Variants in PAK3 observed in about 807,000 individuals in gnomAD.
PAK3 encodes serine/threonine-protein kinase PAK 3.
Under a neutral mutation model 41.0 loss-of-function variants are expected in PAK3, and 4 were observed. That is an observed-to-expected ratio of 0.10 (90% CI 0.05 to 0.22). The LOEUF (loss-of-function observed/expected upper bound fraction) is 0.22. PAK3 is among the 10% of genes least tolerant of loss of function. The pLI is 1.00. For synonymous variants in PAK3, 146 were observed against 139.6 expected (o/e 1.05, Z -0.32); for missense variants, 205 against 409.9 (o/e 0.50, Z 4.32).
At chrX:110,950,925 G>A (rs751863615) in intron 1 of PAK3, among the ~76,000 whole-genome samples, 2 of 111,250 alleles carry the variant, frequency 1.8e-5, no homozygotes, top group South Asian at 3.8e-4. Context: ...CCCATCAACA[G>A]TGGCCATTTC....
intron 11 of PAK3, among the ~76,000 whole-genome samples, chrX:111,185,889 T>TC (rs1358030192): frequency 9.0e-6 from 1 of 110,810 alleles, no homozygotes; most frequent in Non-Finnish European, 1.9e-5. Flanking sequence ...GGTGCAAAAA[T>TC]CCCCAATAAA....
chrX:111,149,522 A>G (rs1032549322), intron 7 of PAK3, among the ~76,000 whole-genome samples: 2 of 111,698 alleles, frequency 1.8e-5, no homozygotes, highest in East Asian at 2.9e-4. Context: ...ATTTCCATAC[A>G]TCTTCTGAAA....
chrX:111,137,460 T>C (rs2093805944), intron 5 of PAK3, among the ~76,000 whole-genome samples: 1 of 109,889 alleles, frequency 9.1e-6, no homozygotes, highest in African/African-American at 3.3e-5. Flanking sequence ...GGCATCTCTC[T>C]TTTTTTTTAA....
intron 5 of PAK3, among the ~76,000 whole-genome samples, chrX:111,129,759 A>G (rs2093693662): frequency 9.0e-6 from 1 of 111,492 alleles, no homozygotes. Context: ...GAGAGGAAGT[A>G]ATGACTGAAA....
At chrX:111,169,045 A>T (rs979227651) in intron 10 of PAK3, among the ~76,000 whole-genome samples, 2 of 111,447 alleles carry the variant, frequency 1.8e-5, no homozygotes, top group African/African-American at 6.5e-5. Context: ...ATATTCTCCA[A>T]CCCTTGCCTT....
intron 1 of PAK3, among the ~76,000 whole-genome samples, chrX:111,007,047 T>A (rs1053469124): frequency 9.2e-6 from 1 of 109,286 alleles, no homozygotes; most frequent in Non-Finnish European, 1.9e-5. Flanking sequence ...TCCCTGGTGA[T>A]GCCAATGAGG....
chrX:111,137,639 G>T (rs1238354350), intron 5 of PAK3, among the ~76,000 whole-genome samples: 3 of 111,634 alleles, frequency 2.7e-5, no homozygotes, highest in African/African-American at 9.8e-5. Flanking sequence ...TGACTAGAGG[G>T]ACTTCTCATT....
intron 1 of PAK3, among the ~76,000 whole-genome samples, chrX:111,056,961 T>C (rs1392525975): frequency 8.9e-6 from 1 of 112,058 alleles, no homozygotes; most frequent in African/African-American, 3.2e-5. Context: ...CTTTCTGTAT[T>C]TACATTCCAA....
At chrX:111,163,992 G>T (rs1282058319) in intron 10 of PAK3, among the ~76,000 whole-genome samples, 1 of 111,927 alleles carries the variant, frequency 8.9e-6, no homozygotes, top group Admixed American at 9.5e-5. Context: ...CAAGTTTTAA[G>T]ATTACATCTT....
At chrX:111,200,019 A>G (rs2094662589) in intron 16 of PAK3, among the ~76,000 whole-genome samples, 1 of 111,321 alleles carries the variant, frequency 9.0e-6, no homozygotes, top group Admixed American at 9.6e-5. Flanking sequence ...GAAAATATGC[A>G]CAGATTCAAA....
intron 11 of PAK3, among the ~76,000 whole-genome samples, chrX:111,173,591 A>G (rs2094372105): frequency 9.0e-6 from 1 of 111,266 alleles, no homozygotes; most frequent in Non-Finnish European, 1.9e-5. Flanking sequence ...AATGAGACCT[A>G]GTGCATCATT....
intron 1 of PAK3, among the ~76,000 whole-genome samples, chrX:110,973,008 T>C (rs1335765102): frequency 9.0e-6 from 1 of 110,967 alleles, no homozygotes; most frequent in Non-Finnish European, 1.9e-5. Context: ...AAGAAAAGGT[T>C]AGAGAAAAAA....
intron 5 of PAK3, 104 bp downstream of exon 5, chrX:111,123,382 G>C: frequency 2.9e-6 from 2 of 681,310 alleles, no homozygotes; most frequent in Non-Finnish European, 4.6e-6. Context: ...TTCAGGGCCT[G>C]CCGGCCCTTT....
At chrX:111,024,231 C>A (rs1411882254) in intron 1 of PAK3, among the ~76,000 whole-genome samples, 1 of 111,581 alleles carries the variant, frequency 9.0e-6, no homozygotes, top group Non-Finnish European at 1.9e-5. Flanking sequence ...TCTGAGGCCT[C>A]TGTTCTGTTC....
At chrX:111,189,314 C>T (rs969399442) in intron 11 of PAK3, among the ~76,000 whole-genome samples, 2 of 111,697 alleles carry the variant, frequency 1.8e-5, no homozygotes, top group African/African-American at 6.5e-5. Flanking sequence ...TTTCTTTATC[C>T]AATCCAGCAT....
At chrX:111,177,241 G>T (rs777815382) in intron 11 of PAK3, among the ~76,000 whole-genome samples, 3 of 112,180 alleles carry the variant, frequency 2.7e-5, no homozygotes, top group South Asian at 3.7e-4. Flanking sequence ...GAGCACAACA[G>T]TTCACTCACT....
intron 17 of PAK3, among the ~76,000 whole-genome samples, chrX:111,218,666 G>GCCCAC (rs1254537473): frequency 6.3e-5 from 7 of 111,492 alleles, no homozygotes; most frequent in South Asian, 7.6e-4. Flanking sequence ...AGCTGCAGGG[G>GCCCAC]ATAATCCTAT....
chrX:111,027,019 A>G (rs1289179250), intron 1 of PAK3, among the ~76,000 whole-genome samples: 1 of 111,705 alleles, frequency 9.0e-6, no homozygotes, highest in African/African-American at 3.2e-5. Flanking sequence ...CTTAGAGCCA[A>G]CTTATCTTTG....
intron 4 of PAK3, among the ~76,000 whole-genome samples, chrX:111,106,531 A>G (rs929812140): frequency 1.8e-5 from 2 of 111,152 alleles, no homozygotes; most frequent in African/African-American, 6.6e-5. Context: ...CTTAACTACC[A>G]CTGAGATAAT....
Sources: allele counts gnomAD v4.1 joint callset (sites outside exome capture counted in the v4.1 genomes callset), GRCh38; gene constraint gnomAD v4.1.1; transcripts MANE v1.5; gene names NCBI Gene and HGNC (gene_info 2026-07-23, HGNC 2026-07-21).